LRMDA: variants seen among roughly 807,000 people sequenced by gnomAD.
LRMDA encodes the protein leucine-rich melanocyte differentiation-associated protein.
Under a neutral mutation model 29.8 loss-of-function variants are expected in LRMDA, and 18 were observed. The observed-to-expected ratio is 0.60, with a 90% CI of 0.42 to 0.90. The LOEUF is 0.90. Among genes scored for constraint, LRMDA ranks in the 40% least tolerant of loss-of-function variants. The pLI is 0.00. For missense variants in LRMDA, 273 were observed against 273.9 expected (o/e 1.00, Z 0.02); for synonymous variants, 125 against 109.4 (o/e 1.14, Z -0.89).
intron 6 of LRMDA, among the ~76,000 whole-genome samples, chr10:76,521,066 A>G (rs1382635582): frequency 6.6e-6 from 1 of 151,788 alleles, no homozygotes; most frequent in Non-Finnish European, 1.5e-5. Flanking sequence ...TGAACTTACA[A>G]TTTCATGTTC....
chr10:76,368,231 G>A lies in LRMDA; in HGVS notation c.601+43746G>A, dbSNP rs143527346. On this transcript the variant is annotated intron_variant, in intron 6 of 6. Coordinates refer to ENST00000611255, the MANE Select transcript of LRMDA (RefSeq NM_001305581.2). ...CTCTTTCAGACTTTTTGATGTAGGC[G>A]TTTAGGGCTGTGAACTTTCCTTTTA... is the stretch of plus-strand genomic sequence containing the variant. Among the ~76,000 whole-genome samples, 483 of 152,210 alleles carry A rather than the reference G, an allele frequency of 3.2e-3. 4 individuals carry two copies. Among genetic ancestry groups the A allele is most frequent in the African/African-American group, 0.011 (448 of 41,532 alleles).
At chr10:76,202,091 C>T (rs187274979) in intron 5 of LRMDA, among the ~76,000 whole-genome samples, 153 of 152,168 alleles carry the variant, frequency 1.0e-3, no homozygotes, top group South Asian at 2.1e-4. Context: ...GAACAAGCCC[C>T]GTACCTTTCA....
In LRMDA at chr10:75,521,609, T is replaced by C. The variant is rs527376514; in HGVS notation, c.131+83115T>C. Among the ~76,000 whole-genome samples the C allele has an allele frequency of 5.2e-4, 79 of 152,158 alleles. 1 individual carries two copies. Among genetic ancestry groups the C allele is most frequent in the East Asian group, 5.1e-3 (26 of 5,140 alleles). On this transcript the variant is annotated intron_variant, in intron 2 of 6. Transcript: ENST00000611255. The stretch of plus-strand genomic sequence containing the variant: ...GAGTGTCCCGTTTTTCCCAGTACAG[T>C]CTCTAATGGCTTCCCTTGACTAGGA...
At chr10:75,698,344 C>G (rs768557642) in intron 2 of LRMDA, among the ~76,000 whole-genome samples, 1 of 152,252 alleles carries the variant, frequency 6.6e-6, no homozygotes, top group African/African-American at 2.4e-5. Flanking sequence ...AGTAAGAACA[C>G]TGGCCCTTAC....
chr10:75,799,531 T>G (rs887335298), intron 2 of LRMDA, among the ~76,000 whole-genome samples: 5 of 152,096 alleles, frequency 3.3e-5, no homozygotes, highest in Admixed American at 2.0e-4. Context: ...TTTTTTTCTT[T>G]TGAAATGGAG....
chr10:76,150,581 G>A (rs1850421579), intron 5 of LRMDA, among the ~76,000 whole-genome samples: 1 of 152,174 alleles, frequency 6.6e-6, no homozygotes, highest in South Asian at 2.1e-4. Flanking sequence ...TTCACAACCT[G>A]TCCATTAAGC....
rs117795248 is a variant in LRMDA, at chr10:75,610,675, G to T, written c.131+172181G>T. The stretch of plus-strand genomic sequence containing the variant: ...GTTCGGGTGGCAGAGGCAGGCCCAG[G>T]TTCCCCAGTCCTGACACAATGTATT... On this transcript the variant is annotated intron_variant, in intron 2 of 6. Coordinates refer to ENST00000611255, the MANE Select transcript of LRMDA (RefSeq NM_001305581.2). 1.7e-3 allele frequency among the ~76,000 whole-genome samples: 257 copies of T among 152,102 alleles called. 6 individuals are homozygous for T. In the East Asian group the frequency reaches 0.029, roughly 17 times the overall value.
chr10:76,292,776 A>T lies in LRMDA; in HGVS notation c.517-31625A>T, dbSNP rs147622906. 6.6e-5 allele frequency among the ~76,000 whole-genome samples: 10 copies of T among 151,960 alleles called. No individual in the cohort carries two copies. In the East Asian group the frequency reaches 1.7e-3, roughly 27 times the overall value. The stretch of plus-strand genomic sequence containing the variant: ...TTGACTGACACCAGAAAGCCGTGTG[A>T]CAATTGGCTTGTAGATTGGACAGTT... On this transcript the variant is annotated intron_variant, in intron 5 of 6. Coordinates refer to ENST00000611255, the MANE Select transcript of LRMDA (RefSeq NM_001305581.2).
intron 5 of LRMDA, among the ~76,000 whole-genome samples, chr10:76,092,980 C>T (rs1450335167): frequency 6.6e-6 from 1 of 152,094 alleles, no homozygotes; most frequent in Non-Finnish European, 1.5e-5. Context: ...TCCGTGGGCT[C>T]TCCCTGGAAA....
intron 6 of LRMDA, among the ~76,000 whole-genome samples, chr10:76,425,200 T>C (rs118132291): frequency 2.4e-3 from 361 of 152,342 alleles, no homozygotes; most frequent in Non-Finnish European, 3.7e-3. Context: ...TTATGTACAC[T>C]TTAATTTCCA....
intron 6 of LRMDA, among the ~76,000 whole-genome samples, chr10:76,430,456 A>G (rs1386123557): frequency 3.3e-5 from 5 of 152,174 alleles, no homozygotes; most frequent in Non-Finnish European, 1.5e-5. Context: ...GAAGGAAAGG[A>G]GCTGATGGTA....
chr10:75,509,421 CAT>C (rs138160995), intron 2 of LRMDA, among the ~76,000 whole-genome samples: 2,056 of 152,290 alleles, frequency 0.014, 44 homozygotes, highest in African/African-American at 0.047. Flanking sequence ...TATGATGTGA[CAT>C]GTGCATATTA....
intron 2 of LRMDA, among the ~76,000 whole-genome samples, chr10:75,789,817 T>C (rs761534989): frequency 6.6e-6 from 1 of 152,220 alleles, no homozygotes; most frequent in Non-Finnish European, 1.5e-5. Context: ...TGTTGATTAA[T>C]ACGAGTCTTT....
intron 2 of LRMDA, among the ~76,000 whole-genome samples, chr10:76,016,986 T>C (rs761250721): frequency 2.0e-4 from 30 of 151,594 alleles, no homozygotes; most frequent in Non-Finnish European, 3.0e-4. Flanking sequence ...TGTGATCTTC[T>C]TCCAAATTCA....
At chr10:75,761,939 T>C (rs1564561298) in intron 2 of LRMDA, among the ~76,000 whole-genome samples, 1 of 152,008 alleles carries the variant, frequency 6.6e-6, no homozygotes, top group African/African-American at 2.4e-5. Context: ...TAGCTGGGAC[T>C]GCAAGCATGT....
At chr10:76,343,178 C>T (rs1171209192) in intron 6 of LRMDA, among the ~76,000 whole-genome samples, 1 of 152,146 alleles carries the variant, frequency 6.6e-6, no homozygotes, top group Non-Finnish European at 1.5e-5. Context: ...TAAACTGTTG[C>T]AGGGTATGGA....
intron 5 of LRMDA, 130 bp downstream of exon 5, chr10:76,058,913 G>T: frequency 2.8e-6 from 2 of 725,704 alleles, no homozygotes; most frequent in Non-Finnish European, 4.8e-6. Context: ...GTCCTTCCAT[G>T]GATACATTGT....
intron 2 of LRMDA, among the ~76,000 whole-genome samples, chr10:75,745,804 A>G (rs1400694775): frequency 6.6e-6 from 1 of 152,100 alleles, no homozygotes; most frequent in Non-Finnish European, 1.5e-5. Context: ...GTCTGTGACA[A>G]TTCAGCTTTT....
At chr10:76,299,610 T>A (rs1840455901) in intron 5 of LRMDA, among the ~76,000 whole-genome samples, 1 of 151,662 alleles carries the variant, frequency 6.6e-6, no homozygotes, top group Non-Finnish European at 1.5e-5. Context: ...TTTCTTTTTT[T>A]TTTTTTTTAT....
Sources: allele counts gnomAD v4.1 joint callset (sites outside exome capture counted in the v4.1 genomes callset), GRCh38; gene constraint gnomAD v4.1.1; transcripts MANE v1.5; gene names NCBI Gene and HGNC (gene_info 2026-07-23, HGNC 2026-07-21).